Variants in AGPAT3 observed in about 807,000 individuals in gnomAD.
AGPAT3 encodes the protein 1-acyl-sn-glycerol-3-phosphate acyltransferase gamma.
Under a neutral mutation model 47.3 loss-of-function variants are expected in AGPAT3, and 5 were observed. The observed-to-expected ratio is 0.11, with a 90% CI of 0.06 to 0.22. The LOEUF is 0.22. AGPAT3 is among the 10% of genes least tolerant of loss of function. The pLI is 1.00. For synonymous variants in AGPAT3, 212 were observed against 208.3 expected (o/e 1.02, Z -0.15); for missense variants, 315 against 493.0 (o/e 0.64, Z 3.42).
chr21:43,935,576 G>A (rs1334910594), intron 2 of AGPAT3, among the ~76,000 whole-genome samples: 6 of 152,242 alleles, frequency 3.9e-5, no homozygotes, highest in Non-Finnish European at 7.3e-5. Context: ...TGCGGAGCTC[G>A]GAGAGACCTG....
chr21:43,866,208 A>T (rs1009507020), intron 1 of AGPAT3, among the ~76,000 whole-genome samples: 2 of 151,764 alleles, frequency 1.3e-5, no homozygotes, highest in Non-Finnish European at 2.9e-5. Context: ...TTAAAAAAAA[A>T]AAAGCACAAT....
rs2087297211 is a variant in AGPAT3 at position 43,932,765 on chromosome 21, T to C, written c.-48-26869T>C. ...TCTTGGGTTCAAGCGATTCTTTTGC[T>C]TCAGCCTCCCGAGTAGCTGGGATTA... On this transcript the variant is annotated intron_variant, in intron 2 of 9. Transcript: ENST00000291572. The surrounding 1 kb of genome is among the most constrained non-coding windows in gnomAD (Gnocchi z 5.2). Among the ~76,000 whole-genome samples the C allele has an allele frequency of 6.6e-6, 1 of 152,192 alleles. No individual in the cohort carries two copies. The highest frequency in any genetic ancestry group is 6.5e-5 in the Admixed American group (1 of 15,282).
chr21:43,889,697 T>G (rs772868605), intron 1 of AGPAT3, among the ~76,000 whole-genome samples: 1 of 152,228 alleles, frequency 6.6e-6, no homozygotes, highest in South Asian at 2.1e-4. Context: ...TCAGAAGTTA[T>G]GTTTCTGCTA....
intron 2 of AGPAT3, among the ~76,000 whole-genome samples, chr21:43,959,164 G>A (rs2088680351): frequency 1.5e-5 from 2 of 137,114 alleles, no homozygotes; most frequent in South Asian, 2.5e-4. Context: ...GGCGTGTGTG[G>A]TGTGTGTGGT....
At chr21:43,891,994 T>A (rs2086112538) in intron 1 of AGPAT3, among the ~76,000 whole-genome samples, 1 of 152,124 alleles carries the variant, frequency 6.6e-6, no homozygotes. Context: ...ATTTCTTAAA[T>A]AATAAGACTT....
chr21:43,939,850 G>T lies in AGPAT3; in HGVS notation c.-48-19784G>T, dbSNP rs2087595196. Among the ~76,000 whole-genome samples, 1 of 152,220 alleles carries T rather than the reference G, an allele frequency of 6.6e-6. No homozygotes were observed. On this transcript the variant is annotated intron_variant, in intron 2 of 9. Transcript: ENST00000291572. This position sits in a 1 kb window ranked among gnomAD's most constrained non-coding sequence, Gnocchi z 4.4. ...GGTGGGGCTCGTTGACCTGCATCCT[G>T]GCTGGCCCTGTGACTCTGCCTGTTT...
At chr21:43,975,653 C>G (rs1172770044) in intron 7 of AGPAT3, among the ~76,000 whole-genome samples, 2 of 152,254 alleles carry the variant, frequency 1.3e-5, no homozygotes, top group Non-Finnish European at 2.9e-5. Flanking sequence ...GTCGTCGCCC[C>G]CTCCTGGGCG....
In AGPAT3 at chr21:43,985,758, C is replaced by T. The variant is rs2030222584; in HGVS notation, c.*3366C>T. 6.0e-6 allele frequency: 1 copy of T among 165,480 alleles called. No individual in the cohort carries two copies. Among genetic ancestry groups the T allele is most frequent in the African/African-American group, 2.4e-5 (1 of 41,596 alleles). 10.3% of individuals were successfully genotyped at this position (165,480 alleles called of 1,614,324 possible). ...CAGATTTTCACCTGACTTGTTCAGCCCCATGCGTAGACTCCCGCTGCAGGC... is the reference window on the plus strand; with the variant it reads ...CAGATTTTCACCTGACTTGTTCAGCTCCATGCGTAGACTCCCGCTGCAGGC... On this transcript the variant is annotated 3_prime_UTR_variant, in exon 10 of 10. Transcript: ENST00000291572.
chr21:43,954,360 A>G lies in AGPAT3; in HGVS notation c.-48-5274A>G, dbSNP rs1392155231. ...ACCTGCGAGGTCTGTGAGTGAAACT[A>G]CACTGCTGGCTGGACAGAGACATGG... On this transcript the variant is annotated intron_variant, in intron 2 of 9. Coordinates refer to ENST00000291572, the MANE Select transcript of AGPAT3 (RefSeq NM_020132.5). This position sits in a 1 kb window ranked among gnomAD's most constrained non-coding sequence, Gnocchi z 4.0. Among the ~76,000 whole-genome samples the G allele has an allele frequency of 6.6e-6, 1 of 152,152 alleles. No individual in the cohort carries two copies. Among genetic ancestry groups the G allele is most frequent in the Non-Finnish European group, 1.5e-5 (1 of 68,030 alleles).
intron 2 of AGPAT3, among the ~76,000 whole-genome samples, chr21:43,928,884 C>T (rs184071258): frequency 2.6e-4 from 39 of 152,302 alleles, no homozygotes; most frequent in Admixed American, 2.4e-3. Flanking sequence ...TTTTGCCCTA[C>T]GGAGTTTGTG....
At chr21:43,949,217 T>C (rs1362791259) in intron 2 of AGPAT3, among the ~76,000 whole-genome samples, 1 of 152,208 alleles carries the variant, frequency 6.6e-6, no homozygotes, top group African/African-American at 2.4e-5. Context: ...CATATTACTA[T>C]CTAACAAACC....
Position 43,908,018 on chromosome 21 carries a change from GGAT to G in AGPAT3, c.-49+4004_-49+4006del, listed in dbSNP as rs2086545459. 6.6e-6 allele frequency among the ~76,000 whole-genome samples: 1 copy of G among 152,220 alleles called. No individual in the cohort carries two copies. Among genetic ancestry groups the G allele is most frequent in the Admixed American group, 6.5e-5 (1 of 15,276 alleles). ...ATGTTCCCGTAATAGCAGAGCAAAG[GGAT>G]GATGGTCTTCGGAGGAGGGCGCTGG... On this transcript the variant is annotated intron_variant, in intron 2 of 9. Transcript: ENST00000291572. This position sits in a 1 kb window ranked among gnomAD's most constrained non-coding sequence, Gnocchi z 4.9.
At chr21:43,969,352 C>T (rs1217753523) in intron 5 of AGPAT3, 73 bp downstream of exon 5, 5 of 1,577,768 alleles carry the variant, frequency 3.2e-6, no homozygotes, top group Non-Finnish European at 4.3e-6. Context: ...CACGGCTGCC[C>T]ACATCCCAGG....
chr21:43,932,989 G>T lies in AGPAT3; in HGVS notation c.-48-26645G>T, dbSNP rs1459721878. ...TGACTTTTGGAGGCACCTCCAGATG[G>T]TTTGTGTAGTGGCCACACTGATTGA... is the stretch of plus-strand genomic sequence containing the variant. On this transcript the variant is annotated intron_variant, in intron 2 of 9. Transcript: ENST00000291572. This position sits in a 1 kb window ranked among gnomAD's most constrained non-coding sequence, Gnocchi z 5.2. Among the ~76,000 whole-genome samples the T allele has an allele frequency of 6.6e-6, 1 of 152,130 alleles. No homozygotes were observed. Among genetic ancestry groups the T allele is most frequent in the Admixed American group, 6.5e-5 (1 of 15,276 alleles).
At chr21:43,935,891 C>T (rs1314379980) in intron 2 of AGPAT3, among the ~76,000 whole-genome samples, 1 of 152,190 alleles carries the variant, frequency 6.6e-6, no homozygotes, top group East Asian at 1.9e-4. Flanking sequence ...GGGGCAGTGC[C>T]CTGGCTCTCC....
chr21:43,961,734 A>G (rs199982036), intron 3 of AGPAT3, among the ~76,000 whole-genome samples: 81 of 107,500 alleles, frequency 7.5e-4, no homozygotes, highest in Middle Eastern at 8.1e-3. Flanking sequence ...TCTCATATGG[A>G]AAACGGTGAG....
At chr21:43,912,373 G>A (rs998043270) in intron 2 of AGPAT3, among the ~76,000 whole-genome samples, 9 of 152,398 alleles carry the variant, frequency 5.9e-5, no homozygotes, top group South Asian at 4.1e-4. Flanking sequence ...TGAGGAAGGC[G>A]CTGGCCATGG....
rs762855528 is a variant in AGPAT3 at position 43,959,715 on chromosome 21, G to A, written c.34G>A (p.Val12Met). ...GCTGGCCTTCCTGAAGACCCAGTTC[G>A]TGCTGCACCTGCTGGTCGGCTTTGT... ...GLLAFLKTQF[V>M]LHLLVGFVFV... Residue 12 changes from valine (V) to methionine (M), a missense_variant, in exon 3 of 10, where the codon GTG (valine) becomes ATG (methionine). Coordinates refer to ENST00000291572, the MANE Select transcript of AGPAT3 (RefSeq NM_020132.5). The A allele has an allele frequency of 5.0e-5, 80 of 1,613,630 alleles. No individual in the cohort carries two copies. Among genetic ancestry groups the A allele is most frequent in the Middle Eastern group, 1.6e-4 (1 of 6,082 alleles).
At chr21:43,976,498 C>T (rs2089629053) in intron 7 of AGPAT3, among the ~76,000 whole-genome samples, 2 of 152,216 alleles carry the variant, frequency 1.3e-5, no homozygotes, top group South Asian at 4.1e-4. Context: ...CTGTGCCCGG[C>T]TGAAAATGAA....
Sources: allele counts gnomAD v4.1 joint callset (sites outside exome capture counted in the v4.1 genomes callset), GRCh38; gene constraint gnomAD v4.1.1; non-coding constraint Gnocchi (gnomAD v3.1); transcripts MANE v1.5; gene names NCBI Gene and HGNC (gene_info 2026-07-23, HGNC 2026-07-21).